Variants in SELENOF observed in about 807,000 individuals in gnomAD.
SELENOF encodes selenoprotein F.
In SELENOF, 16 loss-of-function variants were observed where a neutral mutation model predicts 20.5. The observed-to-expected ratio is 0.78, with a 90% CI of 0.53 to 1.19. The LOEUF (loss-of-function observed/expected upper bound fraction) is 1.19, where lower values mean the gene tolerates loss of function less well. Ranked by LOEUF, SELENOF falls within the 50% of genes most tolerant of loss-of-function variation. The pLI, the probability that SELENOF is intolerant of heterozygous loss-of-function variation, is 0.00. For synonymous variants in SELENOF, 78 were observed against 74.5 expected (o/e 1.05, Z -0.24); for missense variants, 215 against 194.2 (o/e 1.11, Z -0.64).
intron 2 of SELENOF, among the ~76,000 whole-genome samples, chr1:86,883,300 G>A (rs945596762): frequency 1.3e-5 from 2 of 152,122 alleles, no homozygotes; most frequent in Non-Finnish European, 2.9e-5. Flanking sequence ...CAAGGAATAG[G>A]GAGTTATTGT....
rs188685649 is a variant in SELENOF, at chr1:86,872,133, C to T, written c.317-4031G>A. 2.7e-4 allele frequency among the ~76,000 whole-genome samples: 41 copies of T among 152,184 alleles called. No individual in the cohort carries two copies. In the East Asian group the frequency reaches 7.7e-3, roughly 29 times the overall value. ...TACAAAAGAAAGGGATAGTGAAAAA[C>T]AAATCTATTCAAAAGTTTAGTGAGT... On this transcript the variant is annotated intron_variant, in intron 3 of 4. Coordinates refer to ENST00000331835, the MANE Select transcript of SELENOF (RefSeq NM_004261.5).
At chr1:86,870,595 A>ACTTAATAGTAGTTAGTATG (rs1553125105) in intron 3 of SELENOF, among the ~76,000 whole-genome samples, 1 of 151,932 alleles carries the variant, frequency 6.6e-6, no homozygotes, top group Non-Finnish European at 1.5e-5. Flanking sequence ...AGCTTAGCAT[A>ACTTAATAGTAGTTAGTATG]CTTAATAAAT....
At chr1:86,903,986 A>C (rs1659768477) in intron 1 of SELENOF, among the ~76,000 whole-genome samples, 1 of 152,270 alleles carries the variant, frequency 6.6e-6, no homozygotes. Context: ...CTTAGCTAAA[A>C]TATGGATTAA....
chr1:86,865,915 T>C (rs189518295), intron 4 of SELENOF, among the ~76,000 whole-genome samples: 3 of 152,090 alleles, frequency 2.0e-5, no homozygotes, highest in East Asian at 3.9e-4. Flanking sequence ...AAATGGGAGC[T>C]GGGCACAGTG....
In SELENOF at chr1:86,910,470, C is replaced by G. The variant is rs532397027; in HGVS notation, c.84+3558G>C. 1.5e-3 allele frequency among the ~76,000 whole-genome samples: 222 copies of G among 152,276 alleles called. 1 individual carries two copies. Among genetic ancestry groups the G allele is most frequent in the African/African-American group, 5.1e-3 (210 of 41,566 alleles). On this transcript the variant is annotated intron_variant, in intron 1 of 4. Coordinates refer to ENST00000331835, the MANE Select transcript of SELENOF (RefSeq NM_004261.5). ...CCTGTAATCCCAGCACTTTGGGAGGCTGAGGCAGGCAGATCATGAGGTCAA... is the reference window on the plus strand; with the variant it reads ...CCTGTAATCCCAGCACTTTGGGAGGGTGAGGCAGGCAGATCATGAGGTCAA...
At chr1:86,880,471 T>G (rs1659039178) in intron 3 of SELENOF, among the ~76,000 whole-genome samples, 191 bp downstream of exon 3, 1 of 152,142 alleles carries the variant, frequency 6.6e-6, no homozygotes, top group Non-Finnish European at 1.5e-5. Context: ...TGTGTTTTTT[T>G]TAAAGTAACA....
chr1:86,863,169 C>G lies in SELENOF; in HGVS notation c.*305G>C, dbSNP rs370305817. The G allele has an allele frequency of 8.6e-6, 2 of 232,542 alleles. No individual in the cohort carries two copies. The highest frequency in any genetic ancestry group is 8.0e-5 in the South Asian group (1 of 12,440). The allele number at this position is 232,542 out of a possible 1,614,324, so 14.4% of individuals were successfully genotyped here. On this transcript the variant is annotated 3_prime_UTR_variant, in exon 5 of 5. Transcript: ENST00000331835. ...CTCTCTAATTTAGAAATCTGTTGTT[C>G]GTAAAACTGGACCAATTATCACAAA...
At chr1:86,891,338 C>T (rs1055339396) in intron 2 of SELENOF, among the ~76,000 whole-genome samples, 1 of 151,700 alleles carries the variant, frequency 6.6e-6, no homozygotes, top group Non-Finnish European at 1.5e-5. Context: ...TGTGAGTCAC[C>T]ACACCTGGCT....
At chr1:86,873,305 G>C (rs1393851086) in intron 3 of SELENOF, among the ~76,000 whole-genome samples, 1 of 151,704 alleles carries the variant, frequency 6.6e-6, no homozygotes, top group Non-Finnish European at 1.5e-5. Context: ...TTCTGACCTT[G>C]GTAATATATT....
At chr1:86,873,808 C>A (rs570155025) in intron 3 of SELENOF, among the ~76,000 whole-genome samples, 1 of 148,930 alleles carries the variant, frequency 6.7e-6, no homozygotes, top group East Asian at 2.0e-4. Flanking sequence ...GCCAAGATTG[C>A]GCTGTCGCAC....
Position 86,873,214 on chromosome 1 carries a change from G to A in SELENOF, c.317-5112C>T, listed in dbSNP as rs559469627. 7.2e-5 allele frequency among the ~76,000 whole-genome samples: 11 copies of A among 152,160 alleles called. No homozygotes were observed. In the South Asian group the frequency reaches 2.1e-3, roughly 29 times the overall value. ...AGAGGTTGCAGTGAGCCGAGATCCC[G>A]CCACTGCACTCCAGCCTGGACAACA... On this transcript the variant is annotated intron_variant, in intron 3 of 4. Transcript: ENST00000331835.
At chr1:86,892,294 T>C (rs1169795806) in intron 2 of SELENOF, among the ~76,000 whole-genome samples, 1 of 152,218 alleles carries the variant, frequency 6.6e-6, no homozygotes, top group African/African-American at 2.4e-5. Context: ...TTACATTGAA[T>C]GTGAACTGTT....
At chr1:86,912,910 AT>A (rs1660022691) in intron 1 of SELENOF, among the ~76,000 whole-genome samples, 1 of 152,250 alleles carries the variant, frequency 6.6e-6, no homozygotes, top group Non-Finnish European at 1.5e-5. Flanking sequence ...ACAGAGGGAG[AT>A]CAAAAAAAGA....
rs1437620364 is a variant in SELENOF, at chr1:86,863,699, A to G, written c.367-94T>C. Reference sequence around the variant, plus strand: ...AAGCAATTCAATCCAGTTTAAATTTAGTAATTAAAAAAAGGCTTTTAGACA... The same window carrying G: ...AAGCAATTCAATCCAGTTTAAATTTGGTAATTAAAAAAAGGCTTTTAGACA... On this transcript the variant is annotated intron_variant, in intron 4 of 4. Coordinates refer to ENST00000331835, the MANE Select transcript of SELENOF (RefSeq NM_004261.5). 2.6e-6 allele frequency: 3 copies of G among 1,146,488 alleles called. No individual in the cohort carries two copies. The African/African-American group carries it at 4.8e-5, about 18-fold the overall frequency. The allele number at this position is 1,146,488 out of a possible 1,614,324, so 71.0% of individuals were successfully genotyped here. A position where few individuals can be genotyped will look rare whatever the true frequency, so the allele number is the denominator to read the frequency against.
intron 3 of SELENOF, among the ~76,000 whole-genome samples, chr1:86,879,660 T>C (rs569039834): frequency 3.3e-5 from 5 of 152,280 alleles, no homozygotes; most frequent in Middle Eastern, 3.4e-3. Flanking sequence ...AATACTTATG[T>C]ATTTCAGTTA....
At chr1:86,898,281 G>A (rs1659576960) in intron 2 of SELENOF, among the ~76,000 whole-genome samples, 1 of 152,164 alleles carries the variant, frequency 6.6e-6, no homozygotes, top group African/African-American at 2.4e-5. Context: ...ATCAAAACTG[G>A]AAGGGAGGGA....
chr1:86,863,512 C>T lies in SELENOF; in HGVS notation c.460G>A (p.Val154Ile). The T allele has an allele frequency of 6.2e-7, 1 of 1,613,678 alleles. No homozygotes were observed. Among genetic ancestry groups the T allele is most frequent in the Non-Finnish European group, 8.5e-7 (1 of 1,179,732 alleles). The change falls in exon 5 of 5, where the codon GTA becomes ATA. Residue 154 changes from valine (V) to isoleucine (I), a missense_variant. By Grantham distance (29) the Val-to-Ile change is conservative. Transcript: ENST00000331835. ...LSILKWNTDS[V>I]EEFLSEKLER... ...AACTTTTCACTCAGGAATTCTTCTA[C>T]ACTGTCTGTGTTCCATTTGAGAATG...
chr1:86,879,953 G>A (rs1353400593), intron 3 of SELENOF, among the ~76,000 whole-genome samples: 3 of 151,990 alleles, frequency 2.0e-5, no homozygotes, highest in Non-Finnish European at 4.4e-5. Context: ...TTTTGTACAG[G>A]TCTACTCTTA....
chr1:86,910,621 T>C (rs1248458172), intron 1 of SELENOF, among the ~76,000 whole-genome samples: 1 of 147,000 alleles, frequency 6.8e-6, no homozygotes, highest in Non-Finnish European at 1.5e-5. Context: ...GGAGACTGGC[T>C]TGATCCCGGG....
Sources: allele counts gnomAD v4.1 joint callset (sites outside exome capture counted in the v4.1 genomes callset), GRCh38; gene constraint gnomAD v4.1.1; transcripts MANE v1.5; gene names NCBI Gene and HGNC (gene_info 2026-07-23, HGNC 2026-07-21).